Variants in USP32 observed in about 807,000 individuals in gnomAD.
USP32 encodes ubiquitin specific peptidase 32.
Under a neutral mutation model 204.8 loss-of-function variants are expected in USP32, and 59 were observed. The ratio of observed to expected loss-of-function variants is 0.29; its 90% CI spans 0.23 to 0.36. USP32 has a LOEUF of 0.36. Ranked by LOEUF, USP32 falls within the 10% of genes least tolerant of loss-of-function variation. USP32 has a pLI of 1.00. For synonymous variants in USP32, 517 were observed against 678.4 expected (o/e 0.76, Z 3.70); for missense variants, 1,160 against 1,946.4 (o/e 0.60, Z 7.60).
chr17:60,401,844 C>T (rs559661589), intron 1 of USP32, among the ~76,000 whole-genome samples: 31 of 151,908 alleles, frequency 2.0e-4, no homozygotes, highest in South Asian at 1.9e-3. Context: ...TATTAACAAA[C>T]AAATCAATTC....
Position 60,178,383 on chromosome 17 carries a change from G to T in USP32, c.*872C>A, listed in dbSNP as rs1200156222. The stretch of plus-strand genomic sequence containing the variant: ...GAAGCTCTTGTTGCAACAGGTGCAT[G>T]TGAAGATGGTGCAAATATTGGCAAC... On this transcript the variant is annotated 3_prime_UTR_variant, in exon 34 of 34. Transcript: ENST00000300896. 2.0e-5 allele frequency among the ~76,000 whole-genome samples: 3 copies of T among 152,242 alleles called. No individual in the cohort carries two copies. Among genetic ancestry groups the T allele is most frequent in the Non-Finnish European group, 4.4e-5 (3 of 68,052 alleles).
At chr17:60,402,452 C>T (rs749292711) in intron 1 of USP32, among the ~76,000 whole-genome samples, 2 of 151,898 alleles carry the variant, frequency 1.3e-5, no homozygotes, top group African/African-American at 2.4e-5. Flanking sequence ...GGCTTCACCA[C>T]GTTGCCCAGA....
chr17:60,181,543 G>A lies in USP32; in HGVS notation c.4329C>T (p.Asp1443=), dbSNP rs200704637. The change falls in exon 32 of 34, where the codon GAC becomes GAT. Residue 1443 remains aspartate (D), a synonymous_variant. Coordinates refer to ENST00000300896, the MANE Select transcript of USP32 (RefSeq NM_032582.4). ...NGAGQICELA[D]ALSRGHVLGG... ...CCAGCACATGCCCTCGACTCAAGGC[G>A]TCAGCCAGCTCACATATCTGCCCAG... is the stretch of plus-strand genomic sequence containing the variant. 75 of 1,614,000 alleles carry A rather than the reference G, an allele frequency of 4.6e-5. No homozygotes were observed. Among genetic ancestry groups the A allele is most frequent in the Non-Finnish European group, 5.6e-5 (66 of 1,179,870 alleles).
chr17:60,365,204 G>A (rs1008409969), intron 1 of USP32, among the ~76,000 whole-genome samples: 1 of 151,956 alleles, frequency 6.6e-6, no homozygotes, highest in African/African-American at 2.4e-5. Context: ...GTTTTAGCCG[G>A]GTGCGGTGGC....
intron 1 of USP32, among the ~76,000 whole-genome samples, chr17:60,369,745 A>G (rs941316288): frequency 6.6e-6 from 1 of 152,126 alleles, no homozygotes; most frequent in African/African-American, 2.4e-5. Context: ...TAAGTTCTAC[A>G]CAATGATTTT....
upstream of USP32, among the ~76,000 whole-genome samples, chr17:60,395,380 T>G (rs1353348979): frequency 6.6e-6 from 1 of 152,218 alleles, no homozygotes; most frequent in Admixed American, 6.5e-5. Context: ...TTAAGCATAT[T>G]ATTGTAGCCA....
intron 11 of USP32, among the ~76,000 whole-genome samples, chr17:60,242,108 C>T (rs1239832172): frequency 6.6e-6 from 1 of 151,988 alleles, no homozygotes; most frequent in East Asian, 1.9e-4. Context: ...TCTCCTGCAC[C>T]GTTTTTTGTT....
intron 9 of USP32, 116 bp from the exon 10 acceptor site, chr17:60,255,374 T>A (rs2086274241): frequency 4.2e-6 from 3 of 711,144 alleles, no homozygotes; most frequent in Admixed American, 3.3e-5. Flanking sequence ...CTTGGCTCAC[T>A]GAAACCTCGG....
At chr17:60,275,111 A>G (rs966275810) in intron 5 of USP32, among the ~76,000 whole-genome samples, 1 of 152,206 alleles carries the variant, frequency 6.6e-6, no homozygotes, top group Non-Finnish European at 1.5e-5. Context: ...GTCTAACACC[A>G]GAATAATATC....
In USP32 at chr17:60,226,286, T is replaced by C. The variant is rs184958217; in HGVS notation, c.1240-55A>G. 2.8e-6 allele frequency: 4 copies of C among 1,427,004 alleles called. No individual in the cohort carries two copies. In the East Asian group the frequency reaches 7.8e-5, roughly 28 times the overall value. The allele number at this position is 1,427,004 out of a possible 1,614,324, so 88.4% of individuals were successfully genotyped here. ...CAAAGTTTATAATCTGACAACTATG[T>C]AGTCTTCAGAAACAAATCTCACAAT... On this transcript the variant is annotated intron_variant, in intron 12 of 33. Coordinates refer to ENST00000300896, the MANE Select transcript of USP32 (RefSeq NM_032582.4).
intron 12 of USP32, among the ~76,000 whole-genome samples, chr17:60,234,359 C>A (rs1470822540): frequency 6.6e-6 from 1 of 151,130 alleles, no homozygotes; most frequent in Non-Finnish European, 1.5e-5. Flanking sequence ...GTGATCCGCC[C>A]GCCTTGGCCT....
At chr17:60,225,085 C>T (rs2085349353) in intron 13 of USP32, among the ~76,000 whole-genome samples, 1 of 152,170 alleles carries the variant, frequency 6.6e-6, no homozygotes, top group African/African-American at 2.4e-5. Context: ...CTGGAGATGA[C>T]TATCTTTGAA....
chr17:60,340,286 A>T (rs1598264504), intron 2 of USP32, among the ~76,000 whole-genome samples: 1 of 152,176 alleles, frequency 6.6e-6, no homozygotes, highest in African/African-American at 2.4e-5. Context: ...CTTCAAAATT[A>T]CCAGCCCTGC....
intron 31 of USP32, 52 bp from the exon 32 acceptor site, chr17:60,181,800 G>T: frequency 6.4e-7 from 1 of 1,568,554 alleles, no homozygotes; most frequent in South Asian, 1.2e-5. Flanking sequence ...CACAAAGTAA[G>T]CCAGCCCCAA....
intron 2 of USP32, among the ~76,000 whole-genome samples, chr17:60,311,984 T>G (rs1275737544): frequency 6.6e-6 from 1 of 152,234 alleles, no homozygotes; most frequent in Non-Finnish European, 1.5e-5. Flanking sequence ...AATAGTTAAG[T>G]GACAGATACT....
Position 60,192,861 on chromosome 17 carries a change from A to G in USP32, c.3504T>C (p.Ala1168=). ...CACTTTACCTATACCATGGGCACCA[A>G]GCACAGGAGTTCCCATCTTTCTGCA... ...RVVQKDGNSC[A]WCPWYRFCRG... is the part of the protein sequence containing the mutation. Residue 1168 remains alanine (A), a synonymous_variant, in exon 28 of 34, where the codon GCT becomes GCC. Coordinates refer to ENST00000300896, the MANE Select transcript of USP32 (RefSeq NM_032582.4). 1 of 1,614,084 alleles carries G rather than the reference A, an allele frequency of 6.2e-7. No individual in the cohort carries two copies.
At chr17:60,312,204 G>A (rs2087870606) in intron 2 of USP32, among the ~76,000 whole-genome samples, 1 of 152,202 alleles carries the variant, frequency 6.6e-6, no homozygotes, top group Non-Finnish European at 1.5e-5. Flanking sequence ...TCTCAGGACA[G>A]AAGGCGGAAA....
intron 10 of USP32, 96 bp from the exon 11 acceptor site, chr17:60,252,538 AAC>A (rs1213598693): frequency 1.2e-6 from 1 of 804,980 alleles, no homozygotes; most frequent in African/African-American, 1.8e-5. Flanking sequence ...CTGAATTAGC[AAC>A]AGTTTTCAAC....
At chr17:60,236,040 T>A in intron 12 of USP32, 98 bp downstream of exon 12, 1 of 938,104 alleles carries the variant, frequency 1.1e-6, no homozygotes, top group South Asian at 1.4e-5. Context: ...TGGAGCATTT[T>A]ATTATTGGCT....
Sources: gnomAD v4.1 joint callset for allele counts (sites outside exome capture counted in the v4.1 genomes callset) on GRCh38, gnomAD v4.1.1 for gene constraint, MANE v1.5 for transcripts, NCBI Gene and HGNC (gene_info 2026-07-23, HGNC 2026-07-21) for gene names.